Variants in TNNI3K observed in about 807,000 individuals in gnomAD.
The protein encoded by TNNI3K is serine/threonine-protein kinase TNNI3K.
A neutral mutation model predicts 114.5 loss-of-function variants in TNNI3K; 140 were observed. That is an observed-to-expected ratio of 1.22 (90% confidence interval 1.07 to 1.41). TNNI3K has a LOEUF of 1.41. Among genes scored for constraint, TNNI3K ranks in the 40% most tolerant of loss-of-function variants. The pLI is 0.00. For missense variants in TNNI3K, 1,125 were observed against 1,007.6 expected (o/e 1.12, Z -1.58); for synonymous variants, 347 against 347.5 (o/e 1.00, Z 0.02).
chr1:74,375,696 C>A (rs1442274658), intron 17 of TNNI3K: 2 of 437,544 alleles, frequency 4.6e-6, no homozygotes, highest in Non-Finnish European at 9.3e-6. Context: ...TCCAACCCAA[C>A]CAATCAGCAG....
intron 17 of TNNI3K, among the ~76,000 whole-genome samples, chr1:74,433,587 C>G (rs1480080447): frequency 6.6e-6 from 1 of 152,124 alleles, no homozygotes; most frequent in Non-Finnish European, 1.5e-5. Flanking sequence ...TGCAAAGTCA[C>G]TTTCACAGCA....
At chr1:74,525,397 A>C (rs1646489961) in intron 23 of TNNI3K, among the ~76,000 whole-genome samples, 1 of 152,190 alleles carries the variant, frequency 6.6e-6, no homozygotes, top group African/African-American at 2.4e-5. Context: ...AATTTTGCTT[A>C]AGGACAGCAG....
At chr1:74,254,373 A>G (rs540172434) in intron 4 of TNNI3K, among the ~76,000 whole-genome samples, 183 of 152,310 alleles carry the variant, frequency 1.2e-3, no homozygotes, top group African/African-American at 3.8e-3. Context: ...TGTGTCATTT[A>G]TAGATTATAT....
At chr1:74,345,132 G>A (rs1403801204) in intron 9 of TNNI3K, among the ~76,000 whole-genome samples, 1 of 152,008 alleles carries the variant, frequency 6.6e-6, no homozygotes, top group Non-Finnish European at 1.5e-5. Context: ...TCTGTAAGTA[G>A]TTTCTTTGAA....
At chr1:74,318,945 T>A (rs1659462924) in intron 5 of TNNI3K, among the ~76,000 whole-genome samples, 1 of 152,216 alleles carries the variant, frequency 6.6e-6, no homozygotes, top group Non-Finnish European at 1.5e-5. Flanking sequence ...AATAGTGAAT[T>A]GAGAGGCACA....
intron 4 of TNNI3K, 128 bp downstream of exon 4, chr1:74,250,897 T>C: frequency 1.4e-6 from 1 of 716,506 alleles, no homozygotes; most frequent in South Asian, 2.7e-5. Context: ...GTTACATTAC[T>C]AAAGGACTTC....
chr1:74,275,481 G>C (rs1290909570), intron 5 of TNNI3K, among the ~76,000 whole-genome samples: 1 of 152,034 alleles, frequency 6.6e-6, no homozygotes, highest in Non-Finnish European at 1.5e-5. Context: ...TGATATTTGG[G>C]TGGGAACACA....
chr1:74,343,812 AAAG>A (rs762654768), intron 9 of TNNI3K, among the ~76,000 whole-genome samples: 1 of 152,166 alleles, frequency 6.6e-6, no homozygotes, highest in Non-Finnish European at 1.5e-5. Flanking sequence ...GAGAAAAAGA[AAAG>A]AAAGAAAAGG....
intron 20 of TNNI3K, among the ~76,000 whole-genome samples, chr1:74,454,748 T>G (rs905344707): frequency 2.0e-5 from 3 of 152,202 alleles, no homozygotes; most frequent in African/African-American, 7.2e-5. Context: ...GTGGGATTGC[T>G]GGATAATATG....
chr1:74,293,372 G>A (rs992758213), intron 5 of TNNI3K, among the ~76,000 whole-genome samples: 2 of 151,610 alleles, frequency 1.3e-5, no homozygotes, highest in Non-Finnish European at 3.0e-5. Context: ...TTTACAATGA[G>A]TTTTGACATC....
At chr1:74,287,826 C>A (rs1178258700) in intron 5 of TNNI3K, among the ~76,000 whole-genome samples, 1 of 151,926 alleles carries the variant, frequency 6.6e-6, no homozygotes, top group African/African-American at 2.4e-5. Context: ...ATTTGCAAAC[C>A]ATACATCTGA....
chr1:74,345,717 A>T, intron 9 of TNNI3K, among the ~76,000 whole-genome samples: 1 of 152,148 alleles, frequency 6.6e-6, no homozygotes, highest in East Asian at 1.9e-4. Flanking sequence ...CATGACTTGA[A>T]TGTAGAGTAT....
At position 74,418,928 on chromosome 1, in the gene TNNI3K, T is replaced by C. The variant is rs181363403; in HGVS notation, c.1773-17152T>C. Among the ~76,000 whole-genome samples, 3 of 152,256 alleles carry C rather than the reference T, an allele frequency of 2.0e-5. No individual in the cohort carries two copies. The East Asian group carries it at 5.8e-4, about 29-fold the overall frequency. On this transcript the variant is annotated intron_variant, in intron 17 of 24. Transcript: ENST00000326637. ...TAATCACAAAGAGGCATTTAGATGC[T>C]TTCTCATAGTTCCTTCTTGTTTCTG...
intron 5 of TNNI3K, among the ~76,000 whole-genome samples, chr1:74,275,965 G>T (rs1253609815): frequency 1.3e-5 from 2 of 152,060 alleles, no homozygotes; most frequent in African/African-American, 2.4e-5. Flanking sequence ...GACTAATTGA[G>T]AAAATATTTC....
At chr1:74,450,680 A>G (rs1030709348) in intron 20 of TNNI3K, among the ~76,000 whole-genome samples, 2 of 152,200 alleles carry the variant, frequency 1.3e-5, no homozygotes, top group African/African-American at 2.4e-5. Context: ...AGAAACGCAG[A>G]TCAAAACCAC....
At chr1:74,350,397 T>C (rs1424279799) in intron 9 of TNNI3K, among the ~76,000 whole-genome samples, 1 of 152,178 alleles carries the variant, frequency 6.6e-6, no homozygotes, top group Non-Finnish European at 1.5e-5. Context: ...ACTATGTGGT[T>C]GATTTTAGAA....
At chr1:74,525,384 A>G (rs1646489730) in intron 23 of TNNI3K, among the ~76,000 whole-genome samples, 1 of 152,136 alleles carries the variant, frequency 6.6e-6, no homozygotes, top group Admixed American at 6.6e-5. Flanking sequence ...CAGGAAGGTA[A>G]AAAATTTTGC....
intron 21 of TNNI3K, chr1:74,475,316 G>A (rs867174763): frequency 2.9e-6 from 2 of 695,696 alleles, no homozygotes; most frequent in Middle Eastern, 2.4e-4. Context: ...ATTATATGGT[G>A]TTGCAGAGTT....
intron 23 of TNNI3K, among the ~76,000 whole-genome samples, chr1:74,528,070 C>T (rs148248128): frequency 9.2e-5 from 14 of 152,162 alleles, no homozygotes; most frequent in African/African-American, 2.4e-4. Context: ...CCAGGAAGAA[C>T]GTTATGTATG....
Sources: gnomAD v4.1 joint callset for allele counts (sites outside exome capture counted in the v4.1 genomes callset) on GRCh38, gnomAD v4.1.1 for gene constraint, MANE v1.5 for transcripts, NCBI Gene and HGNC (gene_info 2026-07-23, HGNC 2026-07-21) for gene names.